The following ESRRB variants were observed in gnomAD, a reference collection of about 807,000 sequenced individuals.
The protein encoded by ESRRB is steroid hormone receptor ERR2.
A neutral mutation model predicts 46.0 loss-of-function variants in ESRRB; 16 were observed. That is an observed-to-expected ratio of 0.35 (90% CI 0.24 to 0.53). The LOEUF (loss-of-function observed/expected upper bound fraction) is 0.53. ESRRB is among the 20% of genes least tolerant of loss of function. ESRRB has a pLI of 0.93. For synonymous variants in ESRRB, 246 were observed against 259.6 expected (o/e 0.95, Z 0.50); for missense variants, 488 against 607.4 (o/e 0.80, Z 2.07).
chr14:76,394,025 G>A (rs1286086017), intron 1 of ESRRB, among the ~76,000 whole-genome samples: 1 of 145,960 alleles, frequency 6.9e-6, no homozygotes, highest in Non-Finnish European at 1.5e-5. Flanking sequence ...GGCCAGGCTG[G>A]TCTGACCTCA....
intron 1 of ESRRB, among the ~76,000 whole-genome samples, chr14:76,334,508 G>T (rs1482817767): frequency 6.6e-6 from 1 of 152,180 alleles, no homozygotes; most frequent in African/African-American, 2.4e-5. Context: ...GAATATTAAT[G>T]ATTCAATTTT....
intron 3 of ESRRB, among the ~76,000 whole-genome samples, chr14:76,472,203 G>T (rs1889399087): frequency 6.6e-6 from 1 of 152,218 alleles, no homozygotes; most frequent in Admixed American, 6.5e-5. Context: ...AAGCTGGGCT[G>T]AAATAACTTC....
chr14:76,345,130 G>A (rs890196986), intron 1 of ESRRB, among the ~76,000 whole-genome samples: 5 of 152,112 alleles, frequency 3.3e-5, no homozygotes, highest in Non-Finnish European at 5.9e-5. Context: ...CATTCGCTTA[G>A]GTAAAGATTT....
chr14:76,318,191 C>T (rs1020403518), intron 1 of ESRRB, among the ~76,000 whole-genome samples: 3 of 152,150 alleles, frequency 2.0e-5, no homozygotes, highest in Non-Finnish European at 4.4e-5. Flanking sequence ...TAGGCTTGTA[C>T]GTGTCTGGAG....
Position 76,456,038 on chromosome 14 carries a change from G to GCACACACACACACA in ESRRB, c.461-6480_461-6467dup, listed in dbSNP as rs60824171. Among the ~76,000 whole-genome samples the GCACACACACACACA allele has an allele frequency of 1.1e-3, 152 of 137,288 alleles. 1 individual carries two copies. Among genetic ancestry groups the GCACACACACACACA allele is most frequent in the African/African-American group, 3.6e-3 (132 of 37,080 alleles). 90.1% of individuals were successfully genotyped at this position (137,288 alleles called of 152,430 possible). On this transcript the variant is annotated intron_variant, in intron 2 of 6. Coordinates refer to ENST00000644823, the MANE Select transcript of ESRRB (RefSeq NM_001379180.1). ...AGCCTGGGCAACAAGAGCGAAACTC[G>GCACACACACACACA]CACACACACACACACACACACACAC... is the stretch of plus-strand genomic sequence containing the variant.
chr14:76,361,699 C>T (rs1884466298), intron 1 of ESRRB, among the ~76,000 whole-genome samples: 1 of 152,180 alleles, frequency 6.6e-6, no homozygotes, highest in South Asian at 2.1e-4. Context: ...ACAGTGAAGA[C>T]TCAAAACCAA....
chr14:76,468,155 T>C (rs937105341), intron 3 of ESRRB, among the ~76,000 whole-genome samples: 1 of 152,214 alleles, frequency 6.6e-6, no homozygotes, highest in Non-Finnish European at 1.5e-5. Context: ...CTTGTATTTA[T>C]AGAGTATTCT....
At chr14:76,350,538 G>T (rs552905106) in intron 1 of ESRRB, among the ~76,000 whole-genome samples, 24 of 152,312 alleles carry the variant, frequency 1.6e-4, no homozygotes, top group African/African-American at 4.8e-4. Context: ...ACTAGTGTCT[G>T]TAACTTCACA....
At chr14:76,380,394 C>T (rs187754955) in intron 1 of ESRRB, among the ~76,000 whole-genome samples, 1 of 152,310 alleles carries the variant, frequency 6.6e-6, no homozygotes, top group African/African-American at 2.4e-5. Flanking sequence ...TTTGGCCTGA[C>T]TCTGCAGCGC....
intron 6 of ESRRB, among the ~76,000 whole-genome samples, chr14:76,492,353 G>T (rs1890264753): frequency 6.6e-6 from 1 of 152,220 alleles, no homozygotes; most frequent in African/African-American, 2.4e-5. Flanking sequence ...TTTTTATGGA[G>T]ATAGGGTCTC....
chr14:76,341,197 G>A (rs539177650), intron 1 of ESRRB, among the ~76,000 whole-genome samples: 46 of 152,240 alleles, frequency 3.0e-4, no homozygotes, highest in African/African-American at 9.9e-4. Context: ...AGGTCCTGGC[G>A]TTTCTCAGAA....
intron 1 of ESRRB, among the ~76,000 whole-genome samples, chr14:76,379,771 T>C (rs533098942): frequency 1.9e-4 from 29 of 151,948 alleles, no homozygotes; most frequent in African/African-American, 6.5e-4. Context: ...AAATTTCCTC[T>C]TGGAGTTTGT....
intron 1 of ESRRB, among the ~76,000 whole-genome samples, chr14:76,326,535 A>T (rs1388363512): frequency 6.6e-6 from 1 of 152,210 alleles, no homozygotes; most frequent in African/African-American, 2.4e-5. Flanking sequence ...CGGAAGCACC[A>T]GCTCCTCTGG....
intron 1 of ESRRB, among the ~76,000 whole-genome samples, chr14:76,380,378 G>A (rs1884960691): frequency 6.6e-6 from 1 of 152,170 alleles, no homozygotes; most frequent in Non-Finnish European, 1.5e-5. Context: ...CAAGAAACAG[G>A]ATGCTTTTGG....
chr14:76,425,279 C>CA (rs1184959277), intron 1 of ESRRB, among the ~76,000 whole-genome samples: 11 of 151,940 alleles, frequency 7.2e-5, no homozygotes, highest in African/African-American at 2.2e-4. Flanking sequence ...TTACTTTTCA[C>CA]AAAAAAACCT....
chr14:76,481,301 C>T (rs2140029521), intron 3 of ESRRB, among the ~76,000 whole-genome samples: 1 of 152,322 alleles, frequency 6.6e-6, no homozygotes, highest in South Asian at 2.1e-4. Flanking sequence ...GTGAGGCAGG[C>T]TTCCGGAAGG....
chr14:76,360,553 C>T (rs543379984), intron 1 of ESRRB, among the ~76,000 whole-genome samples: 10 of 152,212 alleles, frequency 6.6e-5, no homozygotes, highest in Admixed American at 2.0e-4. Context: ...GTGGCCCTAC[C>T]GCCAGTAGAA....
chr14:76,324,809 C>G (rs2139730262), intron 1 of ESRRB, among the ~76,000 whole-genome samples: 1 of 152,284 alleles, frequency 6.6e-6, no homozygotes, highest in Non-Finnish European at 1.5e-5. Flanking sequence ...ACAGCAGCTT[C>G]CCTCCAGGTC....
chr14:76,445,299 G>A (rs1227163473), intron 2 of ESRRB, among the ~76,000 whole-genome samples: 2 of 149,662 alleles, frequency 1.3e-5, no homozygotes, highest in African/African-American at 2.5e-5. Flanking sequence ...ATCAAACCCC[G>A]TCTCTACTAA....
Sources: allele counts gnomAD v4.1 joint callset (sites outside exome capture counted in the v4.1 genomes callset), GRCh38; gene constraint gnomAD v4.1.1; transcripts MANE v1.5; gene names NCBI Gene and HGNC (gene_info 2026-07-23, HGNC 2026-07-21).